The following MANBA variants were observed in gnomAD, a reference collection of about 807,000 sequenced individuals.
MANBA encodes mannosidase beta.
A neutral mutation model predicts 111.1 loss-of-function variants in MANBA; 83 were observed. The observed-to-expected ratio is 0.75, with a 90% CI of 0.63 to 0.90. The LOEUF is 0.90. Ranked by LOEUF, MANBA falls within the 40% of genes least tolerant of loss-of-function variation. The pLI is 0.00. For missense variants in MANBA, 1,036 were observed against 1,069.0 expected (o/e 0.97, Z 0.43); for synonymous variants, 370 against 378.7 (o/e 0.98, Z 0.27).
At position 102,635,921 on chromosome 4, in the gene MANBA, T is replaced by C. The variant is rs113843904; in HGVS notation, c.2101A>G (p.Thr701Ala). 6.2e-7 allele frequency: 1 copy of C among 1,610,812 alleles called. No individual in the cohort carries two copies. Among genetic ancestry groups the C allele is most frequent in the Non-Finnish European group, 8.5e-7 (1 of 1,176,988 alleles). The change falls in exon 15 of 17, where the codon ACG becomes GCG. Residue 701 changes from threonine (T) to alanine (A), a missense_variant. By Grantham distance (58) the Thr-to-Ala change is moderately conservative. Transcript: ENST00000647097. ...LLPVGFENEN[T>A]FYIYGVSDLH... ...TCTGACACACCATAGATATAGAACG[T>C]GTTTTCATTCTCAAAGCCTACTGGC...
At chr4:102,749,095 C>T (rs1257206472) in intron 1 of MANBA, among the ~76,000 whole-genome samples, 1 of 151,462 alleles carries the variant, frequency 6.6e-6, no homozygotes, top group African/African-American at 2.4e-5. Flanking sequence ...TACCTAACAA[C>T]AGACGTGAGA....
intron 14 of MANBA, among the ~76,000 whole-genome samples, chr4:102,637,086 C>T (rs1161142918): frequency 6.6e-6 from 1 of 152,184 alleles, no homozygotes; most frequent in African/African-American, 2.4e-5. Context: ...TTTGCTCTTC[C>T]TTCGTCTTCT....
chr4:102,752,612 T>A (rs1055296176), intron 1 of MANBA: 22 of 606,394 alleles, frequency 3.6e-5, no homozygotes, highest in Admixed American at 5.6e-5. Context: ...CTACAGATAT[T>A]CACCTACCAC....
At position 102,657,329 on chromosome 4, in the gene MANBA, T is replaced by C. The variant is rs923933312; in HGVS notation, c.1704+353A>G. Among the ~76,000 whole-genome samples, 5 of 151,888 alleles carry C rather than the reference T, an allele frequency of 3.3e-5. 1 individual carries two copies. The highest frequency in any genetic ancestry group is 7.4e-5 in the Non-Finnish European group (5 of 67,982). The stretch of plus-strand genomic sequence containing the variant: ...ATTTATCACATTTACCCTCTTCCTG[T>C]AGTGAAATATCCAGCTCTGAATATC... On this transcript the variant is annotated intron_variant, in intron 12 of 16. Coordinates refer to ENST00000647097, the MANE Select transcript of MANBA (RefSeq NM_005908.4).
chr4:102,756,388 A>G (rs1724017626), intron 1 of MANBA, among the ~76,000 whole-genome samples: 1 of 152,016 alleles, frequency 6.6e-6, no homozygotes, highest in African/African-American at 2.4e-5. Context: ...AAAACCAAAC[A>G]CCACATGCTC....
At chr4:102,681,780 C>T (rs1731988922) in intron 7 of MANBA, among the ~76,000 whole-genome samples, 2 of 152,194 alleles carry the variant, frequency 1.3e-5, no homozygotes, top group Non-Finnish European at 2.9e-5. Flanking sequence ...CAATTCCAAA[C>T]TGTTATAAAT....
intron 1 of MANBA, chr4:102,730,014 C>G (rs1205047548): frequency 2.4e-6 from 2 of 826,350 alleles, no homozygotes; most frequent in South Asian, 2.9e-5. Flanking sequence ...CTCACCATAG[C>G]CTCCGCCCAG....
intron 1 of MANBA, chr4:102,728,572 G>T: frequency 4.9e-6 from 2 of 411,552 alleles, no homozygotes; most frequent in Non-Finnish European, 9.0e-6. Context: ...AAAAGCAATT[G>T]AATTGTTTTG....
chr4:102,680,534 A>T (rs999222847), intron 7 of MANBA, among the ~76,000 whole-genome samples: 5 of 152,082 alleles, frequency 3.3e-5, no homozygotes, highest in Admixed American at 1.3e-4. Flanking sequence ...AGCTTTTCCC[A>T]TCAATGAGGT....
At chr4:102,689,136 A>G (rs756886128) in intron 7 of MANBA, among the ~76,000 whole-genome samples, 50 of 152,116 alleles carry the variant, frequency 3.3e-4, no homozygotes, top group Non-Finnish European at 2.6e-4. Flanking sequence ...ATCACTTGAT[A>G]TCAGGAATTC....
At chr4:102,684,324 T>C (rs1732111940) in intron 7 of MANBA, among the ~76,000 whole-genome samples, 1 of 152,320 alleles carries the variant, frequency 6.6e-6, no homozygotes, top group Admixed American at 6.5e-5. Context: ...ATGTCCTGTC[T>C]GACACAGTAC....
At chr4:102,719,320 C>T (rs973790491) in intron 4 of MANBA, among the ~76,000 whole-genome samples, 1 of 152,174 alleles carries the variant, frequency 6.6e-6, no homozygotes, top group Non-Finnish European at 1.5e-5. Flanking sequence ...CTCTATTCTG[C>T]CTGACCCCAC....
rs11728959 is a variant in MANBA at position 102,695,818 on chromosome 4, C to T, written c.674-5047G>A. ...ATGAGGAAAAGCAAAAGCAAAGGTA[C>T]TTTTTGCCTTTCAGAGTCCTAAAGC... is the stretch of plus-strand genomic sequence containing the variant. On this transcript the variant is annotated intron_variant, in intron 5 of 16. Transcript: ENST00000647097. 9.5e-3 allele frequency among the ~76,000 whole-genome samples: 1,447 copies of T among 152,286 alleles called. 58 individuals carry two copies. The East Asian group carries it at 0.097, about 10-fold the overall frequency.
intron 1 of MANBA, chr4:102,730,629 G>A: frequency 1.8e-6 from 1 of 541,610 alleles, no homozygotes; most frequent in Non-Finnish European, 3.7e-6. Flanking sequence ...TGCTGTCTGA[G>A]GCCGCCTCCA....
intron 1 of MANBA, chr4:102,730,141 T>A: frequency 8.3e-7 from 1 of 1,201,306 alleles, no homozygotes; most frequent in Non-Finnish European, 1.1e-6. Flanking sequence ...GTGGACACCT[T>A]GTAGGACTTC....
intron 14 of MANBA, among the ~76,000 whole-genome samples, chr4:102,638,112 T>C (rs1729708584): frequency 6.6e-6 from 1 of 152,112 alleles, no homozygotes; most frequent in South Asian, 2.1e-4. Context: ...ATTGTTGTTG[T>C]GGAGTGAGGG....
At chr4:102,657,222 T>TTG (rs10629916) in intron 12 of MANBA, among the ~76,000 whole-genome samples, 3,815 of 52,120 alleles carry the variant, frequency 0.073, 337 homozygotes, top group African/African-American at 0.23. Flanking sequence ...AGGAGTGGGG[T>TTG]GGGGGGGGGG....
intron 1 of MANBA, among the ~76,000 whole-genome samples, chr4:102,750,748 A>T (rs756487534): frequency 2.0e-5 from 3 of 152,110 alleles, no homozygotes; most frequent in Non-Finnish European, 2.9e-5. Context: ...CTCTGTCTCT[A>T]CAAAAAAGAA....
At chr4:102,740,482 A>T (rs1365401631) in intron 1 of MANBA, among the ~76,000 whole-genome samples, 1 of 152,232 alleles carries the variant, frequency 6.6e-6, no homozygotes, top group East Asian at 1.9e-4. Context: ...GAGCCTGCAT[A>T]GCCAAAGCAA....
Sources: allele counts gnomAD v4.1 joint callset (sites outside exome capture counted in the v4.1 genomes callset), GRCh38; gene constraint gnomAD v4.1.1; transcripts MANE v1.5; gene names NCBI Gene and HGNC (gene_info 2026-07-23, HGNC 2026-07-21).